Variants in UNC79 observed in about 807,000 individuals in gnomAD.
The protein encoded by UNC79 is unc-79 subunit of NALCN channel complex.
In UNC79, 37 loss-of-function variants were observed where a neutral mutation model predicts 283.1. The ratio of observed to expected loss-of-function variants is 0.13; its 90% CI spans 0.10 to 0.17. UNC79 has a LOEUF of 0.17. UNC79 is among the 10% of genes least tolerant of loss of function. The pLI, the probability that UNC79 is intolerant of heterozygous loss-of-function variation, is 1.00. For missense variants in UNC79, 2,272 were observed against 3,211.1 expected, an observed-to-expected ratio of 0.71 and a Z score of 7.07; for synonymous variants, 1,107 against 1,200.2, an observed-to-expected ratio of 0.92 and a Z score of 1.61.
chr14:93,525,942 G>C (rs980510096), intron 8 of UNC79, among the ~76,000 whole-genome samples: 4 of 152,100 alleles, frequency 2.6e-5, no homozygotes, highest in African/African-American at 9.7e-5. Flanking sequence ...TTTTCTTCCT[G>C]AAGTGAGTCA....
chr14:93,544,419 A>G (rs2402305), intron 14 of UNC79, among the ~76,000 whole-genome samples: 39,165 of 152,164 alleles, frequency 0.26, 5,597 homozygotes, highest in East Asian at 0.69. Context: ...CTGAATCCAC[A>G]GGAAACTCCC....
At chr14:93,448,073 T>C (rs2056518374) in intron 1 of UNC79, among the ~76,000 whole-genome samples, 1 of 152,178 alleles carries the variant, frequency 6.6e-6, no homozygotes, top group South Asian at 2.1e-4. Flanking sequence ...AAATATTTTC[T>C]CAGCCCCGTT....
At chr14:93,404,496 A>G (rs2055182502) in intron 1 of UNC79, among the ~76,000 whole-genome samples, 1 of 82,288 alleles carries the variant, frequency 1.2e-5, no homozygotes, top group Non-Finnish European at 2.6e-5. Context: ...TAAAAAAAAT[A>G]TATATATATA....
intron 1 of UNC79, among the ~76,000 whole-genome samples, chr14:93,463,924 C>T (rs577464475): frequency 3.9e-5 from 6 of 152,094 alleles, no homozygotes; most frequent in East Asian, 1.9e-4. Context: ...CGGAGGCGGG[C>T]GGATCACGAG....
chr14:93,411,092 G>A (rs1324282265), intron 1 of UNC79, among the ~76,000 whole-genome samples: 1 of 152,066 alleles, frequency 6.6e-6, no homozygotes, highest in Non-Finnish European at 1.5e-5. Context: ...CCCGAAGGGT[G>A]AGTCCCAGGC....
chr14:93,537,089 A>C (rs2061125068), intron 11 of UNC79, among the ~76,000 whole-genome samples: 2 of 152,166 alleles, frequency 1.3e-5, no homozygotes, highest in Non-Finnish European at 2.9e-5. Flanking sequence ...AAAGCCTTAG[A>C]GTCTAACGCC....
At chr14:93,475,869 C>T (rs943566774) in intron 3 of UNC79, among the ~76,000 whole-genome samples, 5 of 152,116 alleles carry the variant, frequency 3.3e-5, no homozygotes, top group African/African-American at 1.2e-4. Flanking sequence ...TATTTTTGCT[C>T]TTGTACCTGC....
chr14:93,516,347 C>CT (rs950484765), intron 7 of UNC79, among the ~76,000 whole-genome samples: 1 of 150,094 alleles, frequency 6.7e-6, no homozygotes, highest in Non-Finnish European at 1.5e-5. Context: ...CAGATTTGTT[C>CT]TTTTAAAGAA....
At chr14:93,396,116 G>A (rs970178817) in intron 1 of UNC79, among the ~76,000 whole-genome samples, 2 of 151,374 alleles carry the variant, frequency 1.3e-5, no homozygotes, top group African/African-American at 2.4e-5. Context: ...ACTCTCAATC[G>A]ACCTGTTTTC....
chr14:93,621,469 A>T lies in UNC79; in HGVS notation c.4388-152A>T. 1 of 1,002,460 alleles carries T rather than the reference A, an allele frequency of 1.0e-6. No individual in the cohort carries two copies. The highest frequency in any genetic ancestry group is 1.4e-6 in the Non-Finnish European group (1 of 730,294). 62.1% of individuals were successfully genotyped at this position (1,002,460 alleles called of 1,614,324 possible). On this transcript the variant is annotated intron_variant, in intron 29 of 48. Transcript: ENST00000555664. This position sits in a 1 kb window ranked among gnomAD's most constrained non-coding sequence, Gnocchi z 4.8. The stretch of plus-strand genomic sequence containing the variant: ...TTTCCAGTTTTTGAAATTAGAACGA[A>T]CCTTACAAAAACTTGGCCAGAAAGT...
intron 30 of UNC79, among the ~76,000 whole-genome samples, chr14:93,624,644 AT>A (rs2067415680): frequency 6.6e-6 from 1 of 152,216 alleles, no homozygotes; most frequent in Non-Finnish European, 1.5e-5. Flanking sequence ...GGAAAAATAC[AT>A]GATAGTTATA....
intron 7 of UNC79, among the ~76,000 whole-genome samples, chr14:93,514,025 T>C (rs1395900709): frequency 2.0e-5 from 3 of 152,158 alleles, no homozygotes; most frequent in Non-Finnish European, 4.4e-5. Context: ...AGTCTTCTAC[T>C]TTAGGAAACT....
intron 1 of UNC79, among the ~76,000 whole-genome samples, chr14:93,451,367 A>G (rs1417914933): frequency 6.6e-6 from 1 of 152,196 alleles, no homozygotes; most frequent in Non-Finnish European, 1.5e-5. Context: ...TCACAGAAGG[A>G]AGGAGAAAAA....
Position 93,682,694 on chromosome 14 carries a change from A to G in UNC79, c.6819A>G (p.Gly2273=), listed in dbSNP as rs750357566. ...AGCAGATGATAGCCTCTGTACCTGG[A>G]GTAAGTCCTGACCAAATTCATTGTC... Residue 2273 remains glycine (G), a splice_region_variant and synonymous_variant, in exon 42 of 49, where the codon GGA becomes GGG. Transcript: ENST00000555664. The G allele has an allele frequency of 1.9e-6, 3 of 1,613,798 alleles. No homozygotes were observed. The South Asian group carries it at 3.3e-5, about 18-fold the overall frequency.
chr14:93,598,402 GTGT>G (rs776684553), intron 24 of UNC79, among the ~76,000 whole-genome samples: 8 of 151,260 alleles, frequency 5.3e-5, no homozygotes, highest in African/African-American at 1.9e-4. Flanking sequence ...GTGTGTGTGT[GTGT>G]GTGTGGCAGA....
intron 1 of UNC79, among the ~76,000 whole-genome samples, chr14:93,357,134 A>G (rs2139928804): frequency 6.6e-6 from 1 of 152,196 alleles, no homozygotes; most frequent in South Asian, 2.1e-4. Context: ...GCATTAATTC[A>G]CTTAGGACGT....
intron 1 of UNC79, among the ~76,000 whole-genome samples, chr14:93,450,686 A>C (rs1056848142): frequency 2.0e-5 from 3 of 152,192 alleles, no homozygotes; most frequent in African/African-American, 7.2e-5. Context: ...GTACTAAAAA[A>C]ATTTAAAAAT....
chr14:93,608,880 CTA>C (rs756241771), intron 26 of UNC79, among the ~76,000 whole-genome samples: 5 of 152,136 alleles, frequency 3.3e-5, no homozygotes, highest in Non-Finnish European at 7.3e-5. Context: ...TAAGTATCTA[CTA>C]TATGTCAGAC....
intron 7 of UNC79, among the ~76,000 whole-genome samples, chr14:93,512,498 C>T (rs1350999613): frequency 2.6e-5 from 4 of 152,044 alleles, no homozygotes; most frequent in Non-Finnish European, 5.9e-5. Context: ...CTGTTTTCTC[C>T]TCTCATTCTG....
Sources: allele counts gnomAD v4.1 joint callset (sites outside exome capture counted in the v4.1 genomes callset), GRCh38; gene constraint gnomAD v4.1.1; non-coding constraint Gnocchi (gnomAD v3.1); transcripts MANE v1.5; gene names NCBI Gene and HGNC (gene_info 2026-07-23, HGNC 2026-07-21).